UNC80: variants seen among roughly 807,000 people sequenced by gnomAD.
UNC80 encodes protein unc-80 homolog.
Under a neutral mutation model 384.6 loss-of-function variants are expected in UNC80, and 164 were observed. The observed-to-expected ratio is 0.43, with a 90% CI of 0.38 to 0.49. The LOEUF (loss-of-function observed/expected upper bound fraction) is 0.49. Among genes scored for constraint, UNC80 ranks in the 20% least tolerant of loss-of-function variants. The pLI is 0.00. For missense variants in UNC80, 3,330 were observed against 4,143.0 expected, an observed-to-expected ratio of 0.80 and a Z score of 5.39; for synonymous variants, 1,486 against 1,527.8, an observed-to-expected ratio of 0.97 and a Z score of 0.64.
At chr2:209,776,128 T>C in intron 3 of UNC80, 83 bp downstream of exon 3, 1 of 1,539,128 alleles carries the variant, frequency 6.5e-7, no homozygotes, top group Non-Finnish European at 8.8e-7. Flanking sequence ...ACTGAGTAGT[T>C]TCTGTTTTCT....
intron 60 of UNC80, chr2:209,982,951 TATATACAC>T (rs1484498096): frequency 2.1e-5 from 1 of 48,170 alleles, no homozygotes; most frequent in Non-Finnish European, 5.0e-5. Flanking sequence ...TGTATATATA[TATATACAC>T]ACACACACAC....
chr2:209,865,062 C>T (rs745542217), intron 22 of UNC80, among the ~76,000 whole-genome samples: 2 of 152,190 alleles, frequency 1.3e-5, no homozygotes, highest in Non-Finnish European at 1.5e-5. Flanking sequence ...TGCTCACTCA[C>T]TGCCTCCCTT....
intron 26 of UNC80, among the ~76,000 whole-genome samples, chr2:209,889,056 A>G (rs1281749507): frequency 3.3e-5 from 5 of 152,196 alleles, no homozygotes; most frequent in African/African-American, 1.2e-4. Context: ...ATGAAGACAG[A>G]AAGAACAGCT....
intron 22 of UNC80, among the ~76,000 whole-genome samples, chr2:209,855,043 C>T (rs1197270643): frequency 1.3e-5 from 2 of 152,166 alleles, no homozygotes; most frequent in East Asian, 3.9e-4. Context: ...CATGAATCAA[C>T]CCAAATGCCC....
intron 18 of UNC80, among the ~76,000 whole-genome samples, chr2:209,837,471 T>C (rs1335705583): frequency 6.6e-6 from 1 of 152,226 alleles, no homozygotes; most frequent in East Asian, 1.9e-4. Flanking sequence ...TTTTTGAGCA[T>C]GTGTGCACAC....
intron 7 of UNC80, among the ~76,000 whole-genome samples, chr2:209,797,876 A>T (rs2078268437): frequency 6.6e-6 from 1 of 152,144 alleles, no homozygotes; most frequent in East Asian, 1.9e-4. Flanking sequence ...ATGGTATCTC[A>T]TTGTGGTTTT....
chr2:209,922,488 C>T, intron 35 of UNC80, 105 bp downstream of exon 35: 1 of 1,276,892 alleles, frequency 7.8e-7, no homozygotes, highest in East Asian at 2.7e-5. Context: ...CATTAAATAA[C>T]TTGTCTCATG....
At chr2:209,811,342 G>A (rs1321318478) in intron 7 of UNC80, among the ~76,000 whole-genome samples, 2 of 152,100 alleles carry the variant, frequency 1.3e-5, no homozygotes, top group African/African-American at 4.8e-5. Flanking sequence ...CTACTGTAAG[G>A]GAGCTTGCAT....
chr2:209,928,077 T>C (rs1422923070), intron 36 of UNC80, among the ~76,000 whole-genome samples: 1 of 152,204 alleles, frequency 6.6e-6, no homozygotes, highest in Non-Finnish European at 1.5e-5. Context: ...GGCTCATGCT[T>C]GTAATCCCAG....
intron 13 of UNC80, among the ~76,000 whole-genome samples, chr2:209,823,925 T>C (rs2080319811): frequency 6.6e-6 from 1 of 152,092 alleles, no homozygotes; most frequent in African/African-American, 2.4e-5. Flanking sequence ...AGCTCCAACA[T>C]GAAGCCACAA....
chr2:209,895,452 T>C (rs1159019817), intron 27 of UNC80, among the ~76,000 whole-genome samples: 1 of 152,230 alleles, frequency 6.6e-6, no homozygotes, highest in Admixed American at 6.5e-5. Flanking sequence ...TGAAAATAGC[T>C]GATTTATGCA....
At chr2:209,945,017 G>C (rs1210732861) in intron 45 of UNC80, 34 bp from the exon 46 acceptor site, 9 of 1,548,318 alleles carry the variant, frequency 5.8e-6, no homozygotes, top group Admixed American at 2.0e-5. Context: ...ACTGTGGTGG[G>C]AGTCAATAAA....
chr2:209,925,214 T>C (rs2090335648), intron 35 of UNC80, among the ~76,000 whole-genome samples: 1 of 152,106 alleles, frequency 6.6e-6, no homozygotes. Flanking sequence ...GAAGAACAGA[T>C]TTCAGGGATC....
At chr2:209,942,856 AC>A (rs1217402470) in intron 44 of UNC80, among the ~76,000 whole-genome samples, 1 of 1,392 alleles carries the variant, frequency 7.2e-4, no homozygotes, top group African/African-American at 8.9e-4. Flanking sequence ...ACTCTTTCCT[AC>A]ACACACACAC....
chr2:209,936,391 A>T (rs2091246853), intron 40 of UNC80, among the ~76,000 whole-genome samples: 1 of 152,188 alleles, frequency 6.6e-6, no homozygotes, highest in Non-Finnish European at 1.5e-5. Context: ...ATAGTATATA[A>T]TGTGCACAGT....
rs1038050385 is a variant in UNC80 at position 209,903,394 on chromosome 2, A to T, written c.4582-1371A>T. 1.7e-3 allele frequency among the ~76,000 whole-genome samples: 201 copies of T among 121,174 alleles called. 2 individuals are homozygous for T. Among genetic ancestry groups the T allele is most frequent in the African/African-American group, 6.0e-3 (188 of 31,540 alleles). 79.5% of individuals were successfully genotyped at this position (121,174 alleles called of 152,430 possible). A position where few individuals can be genotyped will look rare whatever the true frequency, so the allele number is the denominator to read the frequency against. On this transcript the variant is annotated intron_variant, in intron 28 of 64. Transcript: ENST00000673920. ...TGCAGGAAATTGTGTATATATATTT[A>T]TATATATATTATATATATACACATT...
chr2:209,957,501 C>A (rs2092458000), intron 48 of UNC80, 143 bp from the exon 49 acceptor site: 5 of 649,144 alleles, frequency 7.7e-6, no homozygotes, highest in Non-Finnish European at 2.6e-6. Context: ...AACAGAAAAG[C>A]CCAAAGCTAG....
At chr2:209,935,181 A>T (rs1052938812) in intron 39 of UNC80, among the ~76,000 whole-genome samples, 3 of 152,196 alleles carry the variant, frequency 2.0e-5, no homozygotes, top group African/African-American at 7.2e-5. Context: ...TGAGGTTTGA[A>T]TTCTAACTCT....
intron 60 of UNC80, 139 bp from the exon 61 acceptor site, chr2:209,984,717 G>A (rs758560839): frequency 1.3e-6 from 1 of 789,160 alleles, no homozygotes; most frequent in Admixed American, 2.9e-5. Context: ...ATGGTTGACT[G>A]TCTCCTTTTC....
Sources: gnomAD v4.1 joint callset for allele counts (sites outside exome capture counted in the v4.1 genomes callset) on GRCh38, gnomAD v4.1.1 for gene constraint, MANE v1.5 for transcripts, NCBI Gene and HGNC (gene_info 2026-07-23, HGNC 2026-07-21) for gene names.